The following REEP3 variants were observed in gnomAD, a reference collection of about 807,000 sequenced individuals.
The protein encoded by REEP3 is receptor accessory protein 3, also known as receptor expression-enhancing protein 3.
REEP3 carries 20 observed loss-of-function variants against 41.3 expected under a neutral mutation model. That is an observed-to-expected ratio of 0.48 (90% CI 0.34 to 0.70). The LOEUF is 0.70. Ranked by LOEUF, REEP3 falls within the 30% of genes least tolerant of loss-of-function variation. REEP3 has a pLI of 0.01. For synonymous variants in REEP3, 104 were observed against 101.8 expected (o/e 1.02, Z -0.13); for missense variants, 271 against 308.8 (o/e 0.88, Z 0.92).
At chr10:63,586,816 G>T (rs1956011621) in intron 2 of REEP3, among the ~76,000 whole-genome samples, 1 of 152,088 alleles carries the variant, frequency 6.6e-6, no homozygotes, top group African/African-American at 2.4e-5. Flanking sequence ...AAAAGCATGA[G>T]CCACGACACC....
At chr10:63,615,252 A>G (rs544601145) in intron 6 of REEP3, among the ~76,000 whole-genome samples, 1 of 152,328 alleles carries the variant, frequency 6.6e-6, no homozygotes, top group African/African-American at 2.4e-5. Context: ...TAATCTTAAA[A>G]TCAGAAGTAA....
intron 1 of REEP3, 32 bp downstream of exon 1, chr10:63,521,609 C>G: frequency 7.2e-7 from 1 of 1,385,342 alleles, no homozygotes; most frequent in Non-Finnish European, 9.5e-7. Flanking sequence ...CTGCAGCCGG[C>G]GCGAGGCCCA....
chr10:63,523,421 A>G (rs1006539266), intron 1 of REEP3, among the ~76,000 whole-genome samples: 10 of 152,172 alleles, frequency 6.6e-5, no homozygotes, highest in African/African-American at 2.4e-4. Context: ...TTGTTTGATC[A>G]CAAGAGTTAG....
intron 6 of REEP3, among the ~76,000 whole-genome samples, chr10:63,617,859 C>T (rs915861589): frequency 1.6e-5 from 2 of 121,874 alleles, no homozygotes; most frequent in Non-Finnish European, 3.2e-5. Context: ...GAGTCTTGCT[C>T]TGTCACCCAA....
intron 1 of REEP3, among the ~76,000 whole-genome samples, chr10:63,538,602 C>T (rs1955497385): frequency 6.6e-6 from 1 of 152,102 alleles, no homozygotes; most frequent in Admixed American, 6.5e-5. Flanking sequence ...GATGTGGTGG[C>T]ACGTGCCTGT....
At chr10:63,522,689 T>G (rs566308157) in intron 1 of REEP3, among the ~76,000 whole-genome samples, 1 of 152,336 alleles carries the variant, frequency 6.6e-6, no homozygotes, top group East Asian at 1.9e-4. Context: ...TTTTCTGAGT[T>G]TGGGGTTTAT....
At chr10:63,554,185 C>T (rs748986379) in intron 1 of REEP3, among the ~76,000 whole-genome samples, 6 of 151,720 alleles carry the variant, frequency 4.0e-5, no homozygotes, top group Non-Finnish European at 8.8e-5. Context: ...TCAAATTTTA[C>T]ACATCCTGTG....
intron 3 of REEP3, among the ~76,000 whole-genome samples, chr10:63,596,837 G>T (rs944703184): frequency 2.6e-5 from 4 of 152,110 alleles, no homozygotes; most frequent in African/African-American, 9.7e-5. Flanking sequence ...GAGTGCAATG[G>T]CATGATGATA....
Position 63,619,719 on chromosome 10 carries a change from A to C in REEP3, c.630A>C (p.Ser210=). ...ATGAAGAAGCAGAGGGGCCATATTC[A>C]GATAATGAGATGTTAACACACAAAG... ...KTDEEAEGPY[S]DNEMLTHKGL... Residue 210 remains serine (S), a synonymous_variant, in exon 7 of 8, where the codon TCA becomes TCC. Coordinates refer to ENST00000373758, the MANE Select transcript of REEP3 (RefSeq NM_001001330.3). The C allele has an allele frequency of 6.2e-7, 1 of 1,607,800 alleles. No homozygotes were observed. Among genetic ancestry groups the C allele is most frequent in the Non-Finnish European group, 8.5e-7 (1 of 1,176,930 alleles).
At chr10:63,580,981 C>T (rs1163685376) in intron 2 of REEP3, among the ~76,000 whole-genome samples, 1 of 152,122 alleles carries the variant, frequency 6.6e-6, no homozygotes, top group Non-Finnish European at 1.5e-5. Flanking sequence ...AACTGCACTC[C>T]AGCCTGGGGG....
chr10:63,531,221 A>C (rs1955418549), intron 1 of REEP3, among the ~76,000 whole-genome samples: 1 of 152,250 alleles, frequency 6.6e-6, no homozygotes, highest in South Asian at 2.1e-4. Context: ...TAACGTTAGA[A>C]TGTTATATAG....
chr10:63,539,559 G>A (rs1025945445), intron 1 of REEP3, among the ~76,000 whole-genome samples: 1 of 152,124 alleles, frequency 6.6e-6, no homozygotes, highest in African/African-American at 2.4e-5. Flanking sequence ...TCAGGAGGCT[G>A]AGGTGGGAGT....
intron 1 of REEP3, among the ~76,000 whole-genome samples, chr10:63,549,395 C>G (rs1243484329): frequency 6.6e-6 from 1 of 152,126 alleles, no homozygotes; most frequent in East Asian, 1.9e-4. Context: ...TAGTGAGACC[C>G]CATCTTTACA....
In REEP3 at chr10:63,556,242, A is replaced by T. The variant is rs535159869; in HGVS notation, c.33-10096A>T. 8.5e-5 allele frequency among the ~76,000 whole-genome samples: 13 copies of T among 152,076 alleles called. No homozygotes were observed. In the East Asian group the frequency reaches 2.5e-3, roughly 29 times the overall value. On this transcript the variant is annotated intron_variant, in intron 1 of 7. Coordinates refer to ENST00000373758, the MANE Select transcript of REEP3 (RefSeq NM_001001330.3). ...GCGATTCTCCTGCCTCAGCCTCCCA[A>T]GTAGCTGGGATTACAGGCGCGGGCC... is the stretch of plus-strand genomic sequence containing the variant.
At chr10:63,546,005 G>A (rs1192087936) in intron 1 of REEP3, among the ~76,000 whole-genome samples, 1 of 152,184 alleles carries the variant, frequency 6.6e-6, no homozygotes, top group Non-Finnish European at 1.5e-5. Flanking sequence ...CTGGGGAAGA[G>A]TGTCCCAGGA....
chr10:63,526,793 T>C (rs777392821), intron 1 of REEP3, among the ~76,000 whole-genome samples: 2 of 152,180 alleles, frequency 1.3e-5, no homozygotes, highest in Non-Finnish European at 2.9e-5. Flanking sequence ...ATTAACCTTA[T>C]GTGATATTTC....
At chr10:63,606,177 A>G (rs1476904482) in intron 5 of REEP3, 5 of 752,772 alleles carry the variant, frequency 6.6e-6, no homozygotes, top group African/African-American at 1.9e-5. Flanking sequence ...GAAATATGGA[A>G]TTATCTTGTG....
At chr10:63,571,019 G>A (rs1217954424) in intron 2 of REEP3, among the ~76,000 whole-genome samples, 1 of 152,176 alleles carries the variant, frequency 6.6e-6, no homozygotes, top group African/African-American at 2.4e-5. Flanking sequence ...GGAGGCTGAG[G>A]TGGGAGGATC....
intron 5 of REEP3, among the ~76,000 whole-genome samples, chr10:63,603,169 T>C (rs1956189113): frequency 1.3e-5 from 2 of 151,462 alleles, no homozygotes; most frequent in East Asian, 2.0e-4. Flanking sequence ...AAAAATTAGG[T>C]GGGCGTGGTG....
Sources: allele counts gnomAD v4.1 joint callset (sites outside exome capture counted in the v4.1 genomes callset), GRCh38; gene constraint gnomAD v4.1.1; transcripts MANE v1.5; gene names NCBI Gene and HGNC (gene_info 2026-07-23, HGNC 2026-07-21).